Variants in RBFOX2 observed in about 807,000 individuals in gnomAD.
The protein encoded by RBFOX2 is RNA binding fox-1 homolog 2, also known as RNA binding protein fox-1 homolog 2.
A neutral mutation model predicts 49.1 loss-of-function variants in RBFOX2; 10 were observed. The observed-to-expected ratio is 0.20, with a 90% CI of 0.13 to 0.35. The LOEUF (loss-of-function observed/expected upper bound fraction) is 0.35. Among genes scored for constraint, RBFOX2 ranks in the 10% least tolerant of loss-of-function variants. RBFOX2 has a pLI of 1.00. For synonymous variants in RBFOX2, 183 were observed against 187.4 expected (o/e 0.98, Z 0.19); for missense variants, 323 against 486.9 (o/e 0.66, Z 3.17).
intron 2 of RBFOX2, among the ~76,000 whole-genome samples, chr22:35,808,624 G>C (rs747698797): frequency 6.6e-6 from 1 of 152,078 alleles, no homozygotes; most frequent in Non-Finnish European, 1.5e-5. Context: ...ATGGTAGGAG[G>C]ATAGAGTGAC....
intron 2 of RBFOX2, among the ~76,000 whole-genome samples, chr22:35,789,192 G>A (rs976916928): frequency 6.6e-6 from 1 of 152,086 alleles, no homozygotes; most frequent in East Asian, 1.9e-4. Flanking sequence ...AATAGGTTGT[G>A]TTGTAAACTT....
At chr22:35,965,271 A>C (rs1466751099), upstream of RBFOX2, among the ~76,000 whole-genome samples, 2 of 152,210 alleles carry the variant, frequency 1.3e-5, no homozygotes, top group African/African-American at 2.4e-5. Flanking sequence ...AATTTTACTA[A>C]GGCCAGGTTC....
intron 9 of RBFOX2, among the ~76,000 whole-genome samples, chr22:35,751,909 T>G (rs1293070471): frequency 6.6e-6 from 1 of 152,202 alleles, no homozygotes; most frequent in Non-Finnish European, 1.5e-5. Flanking sequence ...AATTAGTTCA[T>G]TTCCAAAATC....
chr22:35,754,065 G>T (rs1334618051), intron 9 of RBFOX2, among the ~76,000 whole-genome samples: 1 of 151,292 alleles, frequency 6.6e-6, no homozygotes, highest in African/African-American at 2.4e-5. Flanking sequence ...TTACACACGT[G>T]AGCGATGATG....
intron 4 of RBFOX2, among the ~76,000 whole-genome samples, chr22:35,774,174 C>T (rs1023185634): frequency 6.6e-6 from 1 of 151,986 alleles, no homozygotes; most frequent in African/African-American, 2.4e-5. Context: ...CAAACTGGGA[C>T]ATTCTGAGAG....
At chr22:35,848,932 A>G (rs2041550934) in intron 1 of RBFOX2, among the ~76,000 whole-genome samples, 1 of 152,168 alleles carries the variant, frequency 6.6e-6, no homozygotes, top group Non-Finnish European at 1.5e-5. Context: ...GGTTAACTCT[A>G]TTGCTGGAAC....
At chr22:35,811,284 C>A (rs899859146) in intron 1 of RBFOX2, among the ~76,000 whole-genome samples, 1 of 152,146 alleles carries the variant, frequency 6.6e-6, no homozygotes, top group Non-Finnish European at 1.5e-5. Flanking sequence ...GAAGTTCTAA[C>A]CCTCAGTACC....
intron 1 of RBFOX2, among the ~76,000 whole-genome samples, chr22:35,891,194 C>T (rs1042643320): frequency 3.4e-4 from 52 of 152,016 alleles, no homozygotes; most frequent in African/African-American, 1.3e-3. Context: ...AAAGCAGTGG[C>T]GTGATCTCGG....
At chr22:35,757,236 A>C (rs1264344801) in intron 9 of RBFOX2, among the ~76,000 whole-genome samples, 1 of 152,072 alleles carries the variant, frequency 6.6e-6, no homozygotes, top group Non-Finnish European at 1.5e-5. Context: ...AAAAAAAAAA[A>C]AAACAAAACC....
chr22:35,756,368 T>C (rs1016278182), intron 9 of RBFOX2, among the ~76,000 whole-genome samples: 1 of 152,084 alleles, frequency 6.6e-6, no homozygotes, highest in African/African-American at 2.4e-5. Context: ...TGTGCAAAAC[T>C]AGAATGCGCA....
intron 1 of RBFOX2, chr22:35,898,418 CCTT>C (rs2048140155): frequency 2.7e-6 from 1 of 377,230 alleles, no homozygotes; most frequent in Non-Finnish European, 4.8e-6. Context: ...CTCCCACAAT[CCTT>C]TTTTTTTTTT....
chr22:35,781,500 A>C, intron 3 of RBFOX2, 100 bp downstream of exon 4: 1 of 1,426,048 alleles, frequency 7.0e-7, no homozygotes, highest in Non-Finnish European at 9.6e-7. Context: ...CTTTCAATCT[A>C]TTTGTAGTTT....
chr22:35,900,391 A>G (rs2048427024), intron 1 of RBFOX2, among the ~76,000 whole-genome samples: 1 of 152,038 alleles, frequency 6.6e-6, no homozygotes, highest in Non-Finnish European at 1.5e-5. Flanking sequence ...GGAAGTAGGT[A>G]TACCGGGGGA....
upstream of RBFOX2, among the ~76,000 whole-genome samples, chr22:35,943,866 C>T (rs1201360679): frequency 3.3e-5 from 5 of 152,358 alleles, no homozygotes; most frequent in Non-Finnish European, 5.9e-5. Context: ...GATCGCGCCA[C>T]TGCACTCCAG....
exon 1 of RBFOX2, chr22:35,840,302 C>G (rs1345751355): frequency 3.7e-6 from 6 of 1,613,170 alleles, no homozygotes; most frequent in Admixed American, 1.7e-5. Flanking sequence ...CCCCCTCCCC[C>G]CCCAATCTAG....
chr22:35,939,618 T>A (rs568235717), upstream of RBFOX2, among the ~76,000 whole-genome samples: 22 of 152,252 alleles, frequency 1.4e-4, no homozygotes, highest in Middle Eastern at 3.4e-3. Context: ...ATTAACCTTA[T>A]TTTTTAAAGG....
chr22:35,952,180 G>C (rs2055018831), intron 1 of RBFOX2, among the ~76,000 whole-genome samples: 1 of 152,216 alleles, frequency 6.6e-6, no homozygotes, highest in Non-Finnish European at 1.5e-5. Context: ...ACTGCTGGAG[G>C]AATCAAGCAA....
chr22:36,022,744 A>G (rs1208039443), intron 1 of RBFOX2, among the ~76,000 whole-genome samples: 1 of 152,182 alleles, frequency 6.6e-6, no homozygotes, highest in Non-Finnish European at 1.5e-5. Context: ...GGTGGGAACT[A>G]CATGATAAAT....
intron 1 of RBFOX2, among the ~76,000 whole-genome samples, chr22:35,848,828 AG>A (rs2041534194): frequency 6.6e-6 from 1 of 152,212 alleles, no homozygotes; most frequent in East Asian, 1.9e-4. Context: ...AAATCATGAT[AG>A]CTCAGAGGTC....
Sources: gnomAD v4.1 joint callset for allele counts (sites outside exome capture counted in the v4.1 genomes callset) on GRCh38, gnomAD v4.1.1 for gene constraint, MANE v1.5 for transcripts, NCBI Gene and HGNC (gene_info 2026-07-23, HGNC 2026-07-21) for gene names.